The following GPCPD1 variants were observed in gnomAD, a reference collection of about 807,000 sequenced individuals.
The protein encoded by GPCPD1 is glycerophosphocholine phosphodiesterase GPCPD1.
A neutral mutation model predicts 89.2 loss-of-function variants in GPCPD1; 29 were observed. That is an observed-to-expected ratio of 0.33 (90% CI 0.24 to 0.44). GPCPD1 has a LOEUF of 0.44. Among genes scored for constraint, GPCPD1 ranks in the 20% least tolerant of loss-of-function variants. GPCPD1 has a pLI of 1.00. For missense variants in GPCPD1, 594 were observed against 808.9 expected (o/e 0.73, Z 3.22); for synonymous variants, 258 against 266.3 (o/e 0.97, Z 0.30).
intron 17 of GPCPD1, among the ~76,000 whole-genome samples, chr20:5,559,713 G>A (rs571640194): frequency 2.0e-5 from 3 of 152,208 alleles, no homozygotes; most frequent in Admixed American, 6.5e-5. Context: ...TGACCTGCCT[G>A]TAAAATAAAG....
intron 19 of GPCPD1, chr20:5,549,162 G>T (rs1985220964): frequency 9.1e-6 from 6 of 656,496 alleles, no homozygotes; most frequent in African/African-American, 1.8e-5. Flanking sequence ...CAGGGAGGAT[G>T]ATGGCTAATT....
At chr20:5,563,766 T>C (rs1444536344) in intron 15 of GPCPD1, among the ~76,000 whole-genome samples, 2 of 152,222 alleles carry the variant, frequency 1.3e-5, no homozygotes, top group African/African-American at 4.8e-5. Flanking sequence ...ATACTTAATT[T>C]ACCTTTAACC....
In GPCPD1 at chr20:5,559,802, T is replaced by C. The variant is rs188143500; in HGVS notation, c.1532+138A>G. 1.5e-4 allele frequency: 73 copies of C among 500,598 alleles called. No individual in the cohort carries two copies. In the East Asian group the frequency reaches 1.7e-3, roughly 12 times the overall value. The allele number at this position is 500,598 out of a possible 1,614,324, so 31.0% of individuals were successfully genotyped here. A position where few individuals can be genotyped will look rare whatever the true frequency, so the allele number is the denominator to read the frequency against. ...CCTAGCAAACAGTCAAGAAAGGGCA[T>C]GAGGAAACACACAACCTGACATGAT... On this transcript the variant is annotated intron_variant, in intron 17 of 19. Coordinates refer to ENST00000379019, the MANE Select transcript of GPCPD1 (RefSeq NM_019593.5).
In GPCPD1 at chr20:5,598,711, A is replaced by G. The variant is rs376108873; in HGVS notation, c.146+14T>C. 7 of 1,475,530 alleles carry G rather than the reference A, an allele frequency of 4.7e-6. No homozygotes were observed. The African/African-American group carries it at 9.7e-5, about 20-fold the overall frequency. The allele number at this position is 1,475,530 out of a possible 1,614,324, so 91.4% of individuals were successfully genotyped here. ...TGTCACAGTTATTCTGTAACCTCAC[A>G]TTTCCATACTCACCTTTCACCTGTG... On this transcript the variant is annotated intron_variant, in intron 3 of 19. Coordinates refer to ENST00000379019, the MANE Select transcript of GPCPD1 (RefSeq NM_019593.5).
Position 5,573,950 on chromosome 20 carries a change from T to C in GPCPD1, c.1021A>G (p.Asn341Asp), listed in dbSNP as rs561383717. Residue 341 changes from asparagine (N) to aspartate (D), a missense_variant, in exon 11 of 20, where the codon AAT (asparagine) becomes GAT (aspartate). Transcript: ENST00000379019. Reference protein sequence around the residue: ...TTAQLAKVQENTIASLRNAAS... With the variant: ...TTAQLAKVQEDTIASLRNAAS... Reference sequence around the variant, plus strand: ...GCATTTCTTAAAGAAGCAATAGTATTTTCTTGAACTTTAGCCAGCCTGAAA... The same window carrying C: ...GCATTTCTTAAAGAAGCAATAGTATCTTCTTGAACTTTAGCCAGCCTGAAA... The C allele has an allele frequency of 2.6e-6, 4 of 1,514,568 alleles. No homozygotes were observed. Among genetic ancestry groups the C allele is most frequent in the East Asian group, 2.3e-5 (1 of 44,426 alleles). 93.8% of individuals were successfully genotyped at this position (1,514,568 alleles called of 1,614,324 possible).
At chr20:5,550,013 C>T (rs917838578) in intron 19 of GPCPD1, among the ~76,000 whole-genome samples, 89 of 151,598 alleles carry the variant, frequency 5.9e-4, no homozygotes, top group Non-Finnish European at 2.7e-4. Flanking sequence ...GGCAACATGG[C>T]GAAACCCTGT....
Position 5,573,919 on chromosome 20 carries a change from C to T in GPCPD1, c.1052G>A (p.Ser351Asn). 2 of 1,502,080 alleles carry T rather than the reference C, an allele frequency of 1.3e-6. No individual in the cohort carries two copies. The highest frequency in any genetic ancestry group is 1.7e-5 in the Admixed American group (1 of 59,774). The allele number at this position is 1,502,080 out of a possible 1,614,324, so 93.0% of individuals were successfully genotyped here. A position where few individuals can be genotyped will look rare whatever the true frequency, so the allele number is the denominator to read the frequency against. Residue 351 changes from serine (S) to asparagine (N), a missense_variant, in exon 11 of 20, where the codon AGT (serine) becomes AAT (asparagine). Ser to Asn is a conservative substitution (Grantham distance 46). Coordinates refer to ENST00000379019, the MANE Select transcript of GPCPD1 (RefSeq NM_019593.5). ...AGTTGTTTAAAGGTTACTTACATGA[C>T]TAGCAGCATTTCTTAAAGAAGCAAT... Reference protein sequence around the residue: ...NTIASLRNAASHGAAFVEFDV... With the variant: ...NTIASLRNAANHGAAFVEFDV...
At chr20:5,586,373 C>A (rs945644301) in intron 4 of GPCPD1, 104 bp from the exon 5 acceptor site, 1 of 634,448 alleles carries the variant, frequency 1.6e-6, no homozygotes, top group Non-Finnish European at 2.9e-6. Context: ...AAATATGAGA[C>A]CAAAAGATTC....
At chr20:5,553,810 C>A (rs1211915020) in intron 19 of GPCPD1, among the ~76,000 whole-genome samples, 1 of 152,140 alleles carries the variant, frequency 6.6e-6, no homozygotes, top group Admixed American at 6.5e-5. Context: ...AGTTGGAACC[C>A]AACAGAAGTT....
intron 10 of GPCPD1, among the ~76,000 whole-genome samples, chr20:5,574,550 C>G (rs889826985): frequency 6.6e-6 from 1 of 152,130 alleles, no homozygotes; most frequent in African/African-American, 2.4e-5. Context: ...GCCTGGGCAA[C>G]AAGGTGAGAC....
chr20:5,604,774 TACACACACACACACAC>T (rs11466989), intron 1 of GPCPD1, among the ~76,000 whole-genome samples: 134 of 139,178 alleles, frequency 9.6e-4, no homozygotes, highest in African/African-American at 2.6e-3. Flanking sequence ...GCCTCATGTC[TACACACACACACACAC>T]ACACACACAC....
At chr20:5,586,391 T>C in intron 4 of GPCPD1, 122 bp from the exon 5 acceptor site, 1 of 594,626 alleles carries the variant, frequency 1.7e-6, no homozygotes. Context: ...TTCATCTTAT[T>C]ATCAATATTA....
chr20:5,554,231 A>C (rs1211467660), intron 19 of GPCPD1, among the ~76,000 whole-genome samples: 1 of 87,138 alleles, frequency 1.1e-5, no homozygotes, highest in African/African-American at 5.4e-5. Flanking sequence ...TGATCCGCTC[A>C]CCTCGGCCTC....
chr20:5,556,261 G>A (rs1985762547), intron 19 of GPCPD1, among the ~76,000 whole-genome samples: 1 of 152,134 alleles, frequency 6.6e-6, no homozygotes, highest in Admixed American at 6.5e-5. Flanking sequence ...AGACTGGAGT[G>A]CAGTGGCGCG....
intron 4 of GPCPD1, among the ~76,000 whole-genome samples, chr20:5,588,913 G>GT (rs1269041128): frequency 2.0e-5 from 3 of 152,130 alleles, no homozygotes; most frequent in Non-Finnish European, 4.4e-5. Context: ...ATAGCAGACT[G>GT]TTTGTTTTGT....
At chr20:5,600,952 T>TG (rs1424122853) in intron 2 of GPCPD1, among the ~76,000 whole-genome samples, 2 of 152,130 alleles carry the variant, frequency 1.3e-5, no homozygotes, top group Non-Finnish European at 2.9e-5. Flanking sequence ...ATCATGCCAC[T>TG]GCACTTCAGC....
intron 14 of GPCPD1, 85 bp downstream of exon 14, chr20:5,566,648 T>C (rs1986407547): frequency 1.3e-6 from 1 of 796,966 alleles, no homozygotes; most frequent in African/African-American, 1.7e-5. Context: ...AATGACCAAG[T>C]ATCAAGTATG....
At chr20:5,570,920 A>AAAAG (rs906304272) in intron 11 of GPCPD1, among the ~76,000 whole-genome samples, 6 of 152,214 alleles carry the variant, frequency 3.9e-5, no homozygotes, top group African/African-American at 1.2e-4. Context: ...TTTAAAGAAA[A>AAAAG]AAAGAAAGAA....
Position 5,598,838 on chromosome 20 carries a change from A to C in GPCPD1, c.50-17T>G. 2 of 1,495,094 alleles carry C rather than the reference A, an allele frequency of 1.3e-6. No individual in the cohort carries two copies. Among genetic ancestry groups the C allele is most frequent in the Non-Finnish European group, 1.9e-6 (2 of 1,072,258 alleles). The allele number at this position is 1,495,094 out of a possible 1,614,324, so 92.6% of individuals were successfully genotyped here. The stretch of plus-strand genomic sequence containing the variant: ...AAACTTCTCCTAAAGAAACAGAACA[A>C]TCAGTCACAGAGAAACAGAACAATC... On this transcript the variant is annotated splice_polypyrimidine_tract_variant and intron_variant, in intron 2 of 19. Coordinates refer to ENST00000379019, the MANE Select transcript of GPCPD1 (RefSeq NM_019593.5).
Sources: allele counts gnomAD v4.1 joint callset (sites outside exome capture counted in the v4.1 genomes callset), GRCh38; gene constraint gnomAD v4.1.1; transcripts MANE v1.5; gene names NCBI Gene and HGNC (gene_info 2026-07-23, HGNC 2026-07-21).